Variants in LRMDA observed in about 807,000 individuals in gnomAD.
LRMDA encodes leucine rich melanocyte differentiation associated.
Under a neutral mutation model 29.8 loss-of-function variants are expected in LRMDA, and 18 were observed. The ratio of observed to expected loss-of-function variants is 0.60; its 90% CI spans 0.42 to 0.90. The LOEUF (loss-of-function observed/expected upper bound fraction) is 0.90, where lower values mean the gene tolerates loss of function less well. Among genes scored for constraint, LRMDA ranks in the 40% least tolerant of loss-of-function variants. The probability of loss-of-function intolerance (pLI) is 0.00; values close to 1 mark genes in which losing one functional copy is unlikely to be tolerated. For synonymous variants in LRMDA, 125 were observed against 109.4 expected (o/e 1.14, Z -0.89); for missense variants, 273 against 273.9 (o/e 1.00, Z 0.02).
At chr10:75,702,623 C>T (rs993110996) in intron 2 of LRMDA, among the ~76,000 whole-genome samples, 1 of 152,112 alleles carries the variant, frequency 6.6e-6, no homozygotes. Flanking sequence ...GAAAAAAACC[C>T]CACAAATATT....
intron 2 of LRMDA, among the ~76,000 whole-genome samples, chr10:75,643,564 T>C (rs1384896436): frequency 6.6e-5 from 10 of 152,158 alleles, no homozygotes; most frequent in Admixed American, 2.6e-4. Flanking sequence ...GATAAGGAAA[T>C]GGCAATGTCA....
intron 2 of LRMDA, among the ~76,000 whole-genome samples, chr10:75,871,094 A>G (rs1845101495): frequency 6.6e-6 from 1 of 152,064 alleles, no homozygotes; most frequent in Non-Finnish European, 1.5e-5. Flanking sequence ...TCTCTTTCCC[A>G]GGCTAGCCAA....
chr10:75,612,632 A>T (rs1841046585), intron 2 of LRMDA, among the ~76,000 whole-genome samples: 1 of 147,704 alleles, frequency 6.8e-6, no homozygotes, highest in African/African-American at 2.5e-5. Context: ...TACTTATTTT[A>T]TTTATATATT....
At chr10:76,118,499 C>T (rs779201296) in intron 5 of LRMDA, among the ~76,000 whole-genome samples, 2 of 152,064 alleles carry the variant, frequency 1.3e-5, no homozygotes, top group African/African-American at 2.4e-5. Flanking sequence ...TACTTAAAGG[C>T]GAAGATGAGC....
intron 2 of LRMDA, among the ~76,000 whole-genome samples, chr10:76,000,393 G>A (rs1466779163): frequency 6.6e-6 from 1 of 152,184 alleles, no homozygotes; most frequent in Non-Finnish European, 1.5e-5. Context: ...GTCGGGTGGG[G>A]TGTGCATCTG....
intron 2 of LRMDA, among the ~76,000 whole-genome samples, chr10:75,659,499 C>T (rs1841722300): frequency 6.6e-6 from 1 of 152,176 alleles, no homozygotes; most frequent in African/African-American, 2.4e-5. Flanking sequence ...TTTGCGACAA[C>T]ACAGATGAAC....
At chr10:75,443,528 A>C (rs1844354732) in intron 2 of LRMDA, among the ~76,000 whole-genome samples, 1 of 152,178 alleles carries the variant, frequency 6.6e-6, no homozygotes, top group Non-Finnish European at 1.5e-5. Context: ...GCGTATGTTA[A>C]ACTATCCTTG....
intron 2 of LRMDA, among the ~76,000 whole-genome samples, chr10:75,554,108 A>G (rs970639918): frequency 2.0e-5 from 3 of 152,116 alleles, no homozygotes; most frequent in Non-Finnish European, 2.9e-5. Context: ...TAAGTTCACC[A>G]TTTGCCTTGC....
chr10:75,484,610 T>G (rs1020378486), intron 2 of LRMDA, among the ~76,000 whole-genome samples: 2 of 152,226 alleles, frequency 1.3e-5, no homozygotes, highest in Non-Finnish European at 2.9e-5. Flanking sequence ...TGTGACTATA[T>G]TTGGAGATGA....
rs1358401746 is a variant in LRMDA at position 76,311,475 on chromosome 10, A to T, written c.517-12926A>T. On this transcript the variant is annotated intron_variant, in intron 5 of 6. Coordinates refer to ENST00000611255, the MANE Select transcript of LRMDA (RefSeq NM_001305581.2). The stretch of plus-strand genomic sequence containing the variant: ...AGATCTGTAAATTTGAAAAATATGC[A>T]CGTATCTCATTAAAAAAGTTTCCCA... Among the ~76,000 whole-genome samples, 11 of 152,164 alleles carry T rather than the reference A, an allele frequency of 7.2e-5. No individual in the cohort carries two copies. The East Asian group carries it at 1.9e-3, about 27-fold the overall frequency.
At chr10:75,957,832 G>T (rs372149417) in intron 2 of LRMDA, among the ~76,000 whole-genome samples, 10 of 152,084 alleles carry the variant, frequency 6.6e-5, no homozygotes, top group Non-Finnish European at 1.0e-4. Context: ...TGAGGATGAC[G>T]AGGGCTTTGA....
intron 2 of LRMDA, among the ~76,000 whole-genome samples, chr10:75,982,175 G>A (rs1458457858): frequency 6.6e-6 from 1 of 152,152 alleles, no homozygotes; most frequent in Non-Finnish European, 1.5e-5. Flanking sequence ...CTTTATTGAA[G>A]ACTCTCTACA....
At chr10:75,711,838 A>C (rs970645745) in intron 2 of LRMDA, among the ~76,000 whole-genome samples, 1 of 151,978 alleles carries the variant, frequency 6.6e-6, no homozygotes, top group Non-Finnish European at 1.5e-5. Flanking sequence ...CACCCCGTGA[A>C]ATGTTTTGCA....
intron 2 of LRMDA, among the ~76,000 whole-genome samples, chr10:75,741,643 C>T (rs1006611821): frequency 1.3e-5 from 2 of 152,110 alleles, no homozygotes; most frequent in African/African-American, 4.8e-5. Context: ...GACGTTTATG[C>T]TGTGGATTTT....
At chr10:76,479,356 A>G (rs1842713236) in intron 6 of LRMDA, among the ~76,000 whole-genome samples, 1 of 151,914 alleles carries the variant, frequency 6.6e-6, no homozygotes. Context: ...TCACAAAGCC[A>G]GCTTCATGGT....
intron 5 of LRMDA, among the ~76,000 whole-genome samples, chr10:76,303,714 C>CTTT (rs3066443): frequency 3.9e-4 from 56 of 142,162 alleles, no homozygotes; most frequent in African/African-American, 1.2e-3. Flanking sequence ...GATTGCCACT[C>CTTT]TTTTTTTTTT....
chr10:76,180,954 T>C (rs550097125), intron 5 of LRMDA, among the ~76,000 whole-genome samples: 2 of 152,314 alleles, frequency 1.3e-5, no homozygotes, highest in South Asian at 4.1e-4. Flanking sequence ...TCTCAGGGGT[T>C]ACCCTGTCAC....
At chr10:76,001,665 A>G (rs1847565546) in intron 2 of LRMDA, among the ~76,000 whole-genome samples, 8 of 151,804 alleles carry the variant, frequency 5.3e-5, no homozygotes, top group Admixed American at 5.2e-4. Flanking sequence ...TGAAACATTT[A>G]TTAATCTTAG....
At position 75,705,128 on chromosome 10, in the gene LRMDA, C is replaced by T. The variant is rs147344300; in HGVS notation, c.131+266634C>T. On this transcript the variant is annotated intron_variant, in intron 2 of 6. Transcript: ENST00000611255. ...ATATATTGAAGCATTTAGCGTGGAA[C>T]GAGACACAGTGTGTTATTTTCTCTT... Among the ~76,000 whole-genome samples the T allele has an allele frequency of 1.7e-3, 254 of 152,270 alleles. 1 individual carries two copies. The highest frequency in any genetic ancestry group is 2.9e-3 in the South Asian group (14 of 4,824).
Sources: allele counts gnomAD v4.1 joint callset (sites outside exome capture counted in the v4.1 genomes callset), GRCh38; gene constraint gnomAD v4.1.1; transcripts MANE v1.5; gene names NCBI Gene and HGNC (gene_info 2026-07-23, HGNC 2026-07-21).